The following MDGA1 variants were observed in gnomAD, a reference collection of about 807,000 sequenced individuals.
MDGA1 encodes MAM domain-containing glycosylphosphatidylinositol anchor protein 1.
A neutral mutation model predicts 101.5 loss-of-function variants in MDGA1; 54 were observed. That is an observed-to-expected ratio of 0.53 (90% CI 0.43 to 0.67). MDGA1 has a LOEUF of 0.67. Among genes scored for constraint, MDGA1 ranks in the 30% least tolerant of loss-of-function variants. MDGA1 has a pLI of 0.00. For missense variants in MDGA1, 1,083 were observed against 1,323.8 expected, an observed-to-expected ratio of 0.82 and a Z score of 2.82; for synonymous variants, 533 against 558.3, an observed-to-expected ratio of 0.95 and a Z score of 0.64.
intron 14 of MDGA1, 129 bp downstream of exon 14, chr6:37,643,680 G>T: frequency 2.3e-6 from 3 of 1,312,062 alleles, no homozygotes; most frequent in Non-Finnish European, 3.2e-6. Context: ...ACCCGTCCAA[G>T]GACCTCTCAT....
At chr6:37,639,032 G>A in intron 14 of MDGA1, 1 of 217,224 alleles carries the variant, frequency 4.6e-6, no homozygotes, top group Non-Finnish European at 9.5e-6. Context: ...TGGGCACGCA[G>A]CAGGGTTTCC....
At position 37,633,485 on chromosome 6, in the gene MDGA1, G is replaced by T; in HGVS notation, c.*3883C>A. On this transcript the variant is annotated 3_prime_UTR_variant, in exon 17 of 17. Transcript: ENST00000434837. Reference sequence around the variant, plus strand: ...GGAAACCAAGAGGATGAGCACATGAGAACATGCTGACCTTCACTCCTAGCC... The same window carrying T: ...GGAAACCAAGAGGATGAGCACATGATAACATGCTGACCTTCACTCCTAGCC... 6.6e-6 allele frequency: 1 copy of T among 152,410 alleles called. No individual in the cohort carries two copies. Among genetic ancestry groups the T allele is most frequent in the Non-Finnish European group, 1.5e-5 (1 of 68,082 alleles). The allele number at this position is 152,410 out of a possible 1,614,324, so 9.4% of individuals were successfully genotyped here.
chr6:37,666,191 C>CAAAA (rs146449734), intron 1 of MDGA1, among the ~76,000 whole-genome samples: 1,627 of 122,230 alleles, frequency 0.013, 30 homozygotes, highest in African/African-American at 0.038. Context: ...ACTAAAAATA[C>CAAAA]AAAAAAAAAA....
chr6:37,636,926 C>T lies in MDGA1; in HGVS notation c.*442G>A, dbSNP rs1034851448. ...GGCTCCATGTCTGCCCCACTTCTGG[C>T]TCCCTTCTGGCAAAGCCACCAGGCT... is the stretch of plus-strand genomic sequence containing the variant. On this transcript the variant is annotated 3_prime_UTR_variant, in exon 17 of 17. Coordinates refer to ENST00000434837, the MANE Select transcript of MDGA1 (RefSeq NM_153487.4). 7 of 154,144 alleles carry T rather than the reference C, an allele frequency of 4.5e-5. No homozygotes were observed. Among genetic ancestry groups the T allele is most frequent in the African/African-American group, 1.7e-4 (7 of 41,508 alleles). 9.5% of individuals were successfully genotyped at this position (154,144 alleles called of 1,614,324 possible).
intron 2 of MDGA1, among the ~76,000 whole-genome samples, chr6:37,660,625 TC>T (rs1466438682): frequency 1.3e-5 from 2 of 152,318 alleles, no homozygotes; most frequent in East Asian, 3.9e-4. Context: ...GGTTTTATAA[TC>T]TCCTGTATTA....
rs1761558830 is a variant in MDGA1 at position 37,658,942 on chromosome 6, G to T, written c.208-523C>A. ...GCCGAGATCAGGTCACTGCACTCCA[G>T]CCTGGGCAACGGAGCAAGACTGTTT... On this transcript the variant is annotated intron_variant, in intron 2 of 16. Coordinates refer to ENST00000434837, the MANE Select transcript of MDGA1 (RefSeq NM_153487.4). 2.2e-5 allele frequency among the ~76,000 whole-genome samples: 3 copies of T among 135,794 alleles called. No individual in the cohort carries two copies. The Admixed American group carries it at 2.5e-4, about 11-fold the overall frequency. The allele number at this position is 135,794 out of a possible 152,430, so 89.1% of individuals were successfully genotyped here.
rs752996721 is a variant in MDGA1, at chr6:37,654,332, G to A, written c.924C>T (p.Cys308=). The stretch of plus-strand genomic sequence containing the variant: ...GGTTGCCCACATTGTTGGTGGCTGT[G>A]CAGTTGTAGTAGCCAGAGTCCCGGG... ...VQARDSGYYN[C]TATNNVGNPA... Residue 308 remains cysteine, a synonymous_variant, in exon 6 of 17, where the codon TGC becomes TGT. Transcript: ENST00000434837. The A allele has an allele frequency of 4.4e-6, 7 of 1,602,760 alleles. No individual in the cohort carries two copies. In the East Asian group the frequency reaches 1.6e-4, roughly 36 times the overall value.
At chr6:37,688,907 C>T (rs563221792) in intron 1 of MDGA1, among the ~76,000 whole-genome samples, 25 of 152,348 alleles carry the variant, frequency 1.6e-4, no homozygotes, top group African/African-American at 6.0e-4. Context: ...ACTTGAAGCC[C>T]TCATTTTGCA....
chr6:37,648,551 T>A (rs1391720832), intron 9 of MDGA1: 1 of 205,018 alleles, frequency 4.9e-6, no homozygotes, highest in Non-Finnish European at 9.7e-6. Context: ...TTCGAAGGGG[T>A]CTAGGCCTGG....
Position 37,643,874 on chromosome 6 carries a change from A to G in MDGA1, c.2471T>C (p.Leu824Pro). The G allele has an allele frequency of 6.2e-7, 1 of 1,613,958 alleles. No homozygotes were observed. Among genetic ancestry groups the G allele is most frequent in the South Asian group, 1.1e-5 (1 of 91,076 alleles). ...LGDRARLVSP[L>P]YNASAKFYCV... Reference sequence around the variant, plus strand: ...GTAGAACTTGGCGCTGGCATTGTAGAGGGGACTCACTAACCTTGCACGGTC... The same window carrying G: ...GTAGAACTTGGCGCTGGCATTGTAGGGGGGACTCACTAACCTTGCACGGTC... Residue 824 changes from leucine (L) to proline (P), a missense_variant, in exon 14 of 17, where the codon CTC (leucine) becomes CCC (proline). Leu to Pro is a moderately conservative substitution (Grantham distance 98, BLOSUM62 -3). This residue lies in a region of MDGA1 where 657 missense variants were observed against 771.4 expected (regional missense o/e 0.85). Coordinates refer to ENST00000434837, the MANE Select transcript of MDGA1 (RefSeq NM_153487.4).
At chr6:37,678,833 G>T (rs541684412) in intron 1 of MDGA1, among the ~76,000 whole-genome samples, 8 of 146,806 alleles carry the variant, frequency 5.4e-5, no homozygotes, top group Non-Finnish European at 7.4e-5. Context: ...CCCTTTCCCT[G>T]CTATGCATGT....
At chr6:37,692,257 CACCCGAT>C (rs1762324535) in intron 1 of MDGA1, among the ~76,000 whole-genome samples, 1 of 152,186 alleles carries the variant, frequency 6.6e-6, no homozygotes, top group Non-Finnish European at 1.5e-5. Context: ...GTTACACACA[CACCCGAT>C]ACCTGGGACC....
Position 37,655,923 on chromosome 6 carries a change from C to G in MDGA1, c.383-27G>C, listed in dbSNP as rs759939492. 6.3e-7 allele frequency: 1 copy of G among 1,592,114 alleles called. No individual in the cohort carries two copies. Among genetic ancestry groups the G allele is most frequent in the Non-Finnish European group, 8.6e-7 (1 of 1,169,000 alleles). On this transcript the variant is annotated intron_variant, in intron 3 of 16. Coordinates refer to ENST00000434837, the MANE Select transcript of MDGA1 (RefSeq NM_153487.4). The surrounding 1 kb of genome is among the most constrained non-coding windows in gnomAD (Gnocchi z 5.1). ...TGCAAGGGCACAGCCCCCATGGAGT[C>G]AGGACTGGGTGACCCCAAGGTTGGG...
At position 37,655,718 on chromosome 6, in the gene MDGA1, A is replaced by C; in HGVS notation, c.561T>G (p.Tyr187Ter). The change falls in exon 4 of 17, where the codon TAT (tyrosine) becomes TAG (stop). Residue 187 changes from tyrosine (Y) to a stop codon, truncating the protein, a stop_gained. Coordinates refer to ENST00000434837, the MANE Select transcript of MDGA1 (RefSeq NM_153487.4). LOFTEE classifies it high-confidence loss of function. The surrounding 1 kb of genome is among the most constrained non-coding windows in gnomAD (Gnocchi z 5.1). The part of the protein sequence containing the change: ...SHSQDNGVDI[Y>*]EPLYTQGETK... ...TCCTGACCTGAGTGTAGAGGGGCTCATAGATGTCAACCCCATTGTCCTGGC... is the reference window on the plus strand; with the variant it reads ...TCCTGACCTGAGTGTAGAGGGGCTCCTAGATGTCAACCCCATTGTCCTGGC... The C allele has an allele frequency of 6.2e-7, 1 of 1,611,488 alleles. No individual in the cohort carries two copies. Among genetic ancestry groups the C allele is most frequent in the Non-Finnish European group, 8.5e-7 (1 of 1,178,672 alleles).
intron 1 of MDGA1, among the ~76,000 whole-genome samples, chr6:37,692,459 G>A (rs1762330646): frequency 6.6e-6 from 1 of 151,788 alleles, no homozygotes; most frequent in Non-Finnish European, 1.5e-5. Context: ...AGGGACGTGG[G>A]GGCAGTGGTG....
Position 37,696,283 on chromosome 6 carries a change from G to C in MDGA1, c.67+462C>G, listed in dbSNP as rs559798375. 1.7e-3 allele frequency among the ~76,000 whole-genome samples: 256 copies of C among 152,336 alleles called. No homozygotes were observed. Among genetic ancestry groups the C allele is most frequent in the African/African-American group, 5.9e-3 (245 of 41,586 alleles). On this transcript the variant is annotated intron_variant, in intron 1 of 16. Transcript: ENST00000434837. The surrounding 1 kb of genome is among the most constrained non-coding windows in gnomAD (Gnocchi z 5.6). Reference sequence around the variant, plus strand: ...GAAGAAGCGAAGCCGCAGCAACAGCGGGGAAGGCGAGCCCGCCGCCCGGCC... The same window carrying C: ...GAAGAAGCGAAGCCGCAGCAACAGCCGGGAAGGCGAGCCCGCCGCCCGGCC...
At chr6:37,692,111 C>T (rs1434709417) in intron 1 of MDGA1, among the ~76,000 whole-genome samples, 1 of 152,262 alleles carries the variant, frequency 6.6e-6, no homozygotes, top group South Asian at 2.1e-4. Flanking sequence ...GAGGAATGAG[C>T]ATAACTCATC....
rs1158829820 is a variant in MDGA1, at chr6:37,634,112, CT to C, written c.*3255del. The C allele has an allele frequency of 6.5e-6, 1 of 152,762 alleles. No homozygotes were observed. The highest frequency in any genetic ancestry group is 1.5e-5 in the Non-Finnish European group (1 of 68,158). The allele number at this position is 152,762 out of a possible 1,614,324, so 9.5% of individuals were successfully genotyped here. A position where few individuals can be genotyped will look rare whatever the true frequency, so the allele number is the denominator to read the frequency against. On this transcript the variant is annotated 3_prime_UTR_variant, in exon 17 of 17. Coordinates refer to ENST00000434837, the MANE Select transcript of MDGA1 (RefSeq NM_153487.4). The surrounding 1 kb of genome is among the most constrained non-coding windows in gnomAD (Gnocchi z 4.7). ...AGGCTTCACTCAGCACCCTAGGAGCCTGTCTGTGCTCCCAAGGGCAGGATAG... is the reference window on the plus strand; with the variant it reads ...AGGCTTCACTCAGCACCCTAGGAGCCGTCTGTGCTCCCAAGGGCAGGATAG...
At position 37,696,776 on chromosome 6, in the gene MDGA1, G is replaced by C. The variant is rs373701087; in HGVS notation, c.36C>G (p.Ile12Met). The change falls in exon 1 of 17, where the codon ATC becomes ATG. Residue 12 changes from isoleucine to methionine, a missense_variant. By Grantham distance (10) the Ile-to-Met change is conservative (BLOSUM62 1). This residue lies in a region of MDGA1 where 310 missense variants were observed against 355.9 expected (regional missense o/e 0.87). Coordinates refer to ENST00000434837, the MANE Select transcript of MDGA1 (RefSeq NM_153487.4). The surrounding 1 kb of genome is among the most constrained non-coding windows in gnomAD (Gnocchi z 5.6). Reference sequence around the variant, plus strand: ...CTCCTTGTCCCCGGCAGTGGAAGGGGATCAGCGCCAGAAGTAGAAGGCAGG... The same window carrying C: ...CTCCTTGTCCCCGGCAGTGGAAGGGCATCAGCGCCAGAAGTAGAAGGCAGG... ...EVTCLLLLAL[I>M]PFHCRGQGVY... 10 of 1,584,362 alleles carry C rather than the reference G, an allele frequency of 6.3e-6. No individual in the cohort carries two copies. Among genetic ancestry groups the C allele is most frequent in the Non-Finnish European group, 7.7e-6 (9 of 1,164,704 alleles).
Sources: gnomAD v4.1 joint callset for allele counts (sites outside exome capture counted in the v4.1 genomes callset) on GRCh38, gnomAD v4.1.1 for gene constraint, gnomAD v4.1.1 regional missense constraint, Gnocchi (gnomAD v3.1) non-coding constraint, MANE v1.5 for transcripts, NCBI Gene and HGNC (gene_info 2026-07-23, HGNC 2026-07-21) for gene names.